Variants in ZNF563 observed in about 807,000 individuals in gnomAD.
ZNF563 encodes zinc finger protein 563.
In ZNF563, 39 loss-of-function variants were observed where a neutral mutation model predicts 48.5. The ratio of observed to expected loss-of-function variants is 0.80; its 90% CI spans 0.62 to 1.05. The LOEUF (loss-of-function observed/expected upper bound fraction) is 1.05, where lower values mean the gene tolerates loss of function less well. Ranked by LOEUF, ZNF563 falls within the 50% of genes least tolerant of loss-of-function variation. ZNF563 has a pLI of 0.00. For synonymous variants in ZNF563, 168 were observed against 187.9 expected (o/e 0.89, Z 0.87); for missense variants, 538 against 597.0 (o/e 0.90, Z 1.03).
Position 12,318,836 on chromosome 19 carries a change from T to C in ZNF563, c.1189A>G (p.Ile397Val). ...GGATAAACAAAAGCTTTCCCACATA[T>C]CTTGCATTTATGAGGTCCACCTCCA... ...HTGGGPHKCK[I>V]CGKAFVYPSV... The change falls in exon 4 of 4, where the codon ATA (isoleucine) becomes GTA (valine). Residue 397 changes from isoleucine (I) to valine (V), a missense_variant. Ile to Val is a conservative substitution (Grantham distance 29). Transcript: ENST00000293725. The C allele has an allele frequency of 6.2e-7, 1 of 1,613,860 alleles. No individual in the cohort carries two copies. The highest frequency in any genetic ancestry group is 8.5e-7 in the Non-Finnish European group (1 of 1,179,944).
At chr19:12,330,892 T>C (rs1968902667) in intron 1 of ZNF563, among the ~76,000 whole-genome samples, 2 of 152,232 alleles carry the variant, frequency 1.3e-5, no homozygotes, top group Admixed American at 1.3e-4. Flanking sequence ...GTAGTCATCA[T>C]GGAAGAAAGT....
chr19:12,324,006 T>C (rs992868876), intron 1 of ZNF563, among the ~76,000 whole-genome samples: 2 of 152,200 alleles, frequency 1.3e-5, no homozygotes, highest in African/African-American at 4.8e-5. Context: ...CTCAATGTTA[T>C]CTCTTATGAA....
At chr19:12,323,548 T>G (rs1296465970) in intron 1 of ZNF563, among the ~76,000 whole-genome samples, 1 of 152,218 alleles carries the variant, frequency 6.6e-6, no homozygotes, top group Non-Finnish European at 1.5e-5. Context: ...ATCTAAGAAC[T>G]CTGCAGAGTC....
At chr19:12,327,216 C>T (rs941538112) in intron 1 of ZNF563, among the ~76,000 whole-genome samples, 2 of 152,014 alleles carry the variant, frequency 1.3e-5, no homozygotes, top group Non-Finnish European at 2.9e-5. Flanking sequence ...AATCCCAGTA[C>T]TTTGGGAAGC....
chr19:12,320,568 C>T (rs1002222237), intron 3 of ZNF563, among the ~76,000 whole-genome samples: 6 of 151,820 alleles, frequency 4.0e-5, no homozygotes, highest in East Asian at 2.0e-4. Flanking sequence ...GGCGCAATCT[C>T]GGCTCACTGC....
In ZNF563 at chr19:12,318,959, CATG is replaced by C. The variant is rs1251895700; in HGVS notation, c.1063_1065del (p.His355del). ...GGTTTCTCTCCAGTGTGAATTCGTT[CATG>C]ATATCGAACTAAACTGGGACGATCA... On this transcript the variant is annotated inframe_deletion, in exon 4 of 4. Coordinates refer to ENST00000293725, the MANE Select transcript of ZNF563 (RefSeq NM_145276.3). 1 of 1,614,128 alleles carries C rather than the reference CATG, an allele frequency of 6.2e-7. No homozygotes were observed. The highest frequency in any genetic ancestry group is 1.7e-5 in the Admixed American group (1 of 60,012).
chr19:12,336,248 C>T (rs1283494912), upstream of ZNF563, among the ~76,000 whole-genome samples: 1 of 151,960 alleles, frequency 6.6e-6, no homozygotes, highest in Non-Finnish European at 1.5e-5. Flanking sequence ...ATTGCTTGAG[C>T]CCAGGAATTG....
At position 12,321,303 on chromosome 19, in the gene ZNF563, C is replaced by A. The variant is rs908464384; in HGVS notation, c.160G>T (p.Asp54Tyr). 1.3e-6 allele frequency: 2 copies of A among 1,575,276 alleles called. No individual in the cohort carries two copies. The highest frequency in any genetic ancestry group is 2.8e-5 in the African/African-American group (2 of 72,466). ...TTTCTCCTAGGATTTTTGTACTGAT[C>A]TTCAGTATTCTGTTCTTCCCATATC... ...RMIWEEQNTE[D>Y]QYKNPRRNLR... is the part of the protein sequence containing the mutation. Residue 54 changes from aspartate to tyrosine, a missense_variant, in exon 3 of 4, where the codon GAT (aspartate) becomes TAT (tyrosine). Transcript: ENST00000293725.
upstream of ZNF563, among the ~76,000 whole-genome samples, chr19:12,335,047 C>T (rs1346722402): frequency 6.6e-6 from 1 of 152,108 alleles, no homozygotes; most frequent in Non-Finnish European, 1.5e-5. Context: ...CCAAAGGGGG[C>T]TCCATTTCTC....
the ZNF563 span, among the ~76,000 whole-genome samples, chr19:12,341,870 G>T: frequency 3.6e-3 from 552 of 152,210 alleles, 2 homozygotes; most frequent in African/African-American, 0.013. Flanking sequence ...CAGACATAAT[G>T]ACATATACAA....
At position 12,318,812 on chromosome 19, in the gene ZNF563, G is replaced by T; in HGVS notation, c.1213C>A (p.Pro405Thr). Reference protein sequence around the residue: ...CKICGKAFVYPSVCQRHEKSH... With the variant: ...CKICGKAFVYTSVCQRHEKSH... ...TTTTCGTGTCTTTGACATACACTAG[G>T]ATAAACAAAAGCTTTCCCACATATC... The change falls in exon 4 of 4, where the codon CCT becomes ACT. Residue 405 changes from proline to threonine, a missense_variant. Coordinates refer to ENST00000293725, the MANE Select transcript of ZNF563 (RefSeq NM_145276.3). 6.2e-7 allele frequency: 1 copy of T among 1,614,044 alleles called. No homozygotes were observed. Among genetic ancestry groups the T allele is most frequent in the Non-Finnish European group, 8.5e-7 (1 of 1,180,010 alleles).
chr19:12,320,004 C>T (rs2145799111), intron 3 of ZNF563, among the ~76,000 whole-genome samples, 171 bp from the exon 4 acceptor site: 1 of 151,746 alleles, frequency 6.6e-6, no homozygotes, highest in Middle Eastern at 3.4e-3. Context: ...GCAATCTCTT[C>T]CTCCCGGGTT....
At chr19:12,321,715 G>A (rs534000050) in intron 2 of ZNF563, among the ~76,000 whole-genome samples, 2 of 152,226 alleles carry the variant, frequency 1.3e-5, no homozygotes, top group South Asian at 4.1e-4. Context: ...AAAATGCTGG[G>A]ATTACAGGCA....
chr19:12,333,715 T>G (rs997772180), upstream of ZNF563: 1 of 574,612 alleles, frequency 1.7e-6, no homozygotes, highest in African/African-American at 1.9e-5. Flanking sequence ...TGCGCCTGAT[T>G]GACAGTTCTC....
chr19:12,341,135 C>T, the ZNF563 span, among the ~76,000 whole-genome samples: 26 of 152,314 alleles, frequency 1.7e-4, no homozygotes, highest in Admixed American at 9.8e-4. Context: ...ACCGTAGCCT[C>T]GACCTCCTGG....
chr19:12,320,114 T>C (rs28433614), intron 3 of ZNF563, among the ~76,000 whole-genome samples: 33,260 of 152,020 alleles, frequency 0.22, 3,989 homozygotes, highest in African/African-American at 0.32. Context: ...GACAGGGTTT[T>C]GCCATGCTGG....
intron 1 of ZNF563, among the ~76,000 whole-genome samples, chr19:12,324,687 A>G (rs952001404): frequency 6.1e-5 from 9 of 146,370 alleles, no homozygotes; most frequent in African/African-American, 2.0e-4. Context: ...ATCGCACTTC[A>G]GCCTGGTTGA....
the ZNF563 span, among the ~76,000 whole-genome samples, chr19:12,344,419 A>T: frequency 6.6e-6 from 1 of 152,112 alleles, no homozygotes; most frequent in South Asian, 2.1e-4. Flanking sequence ...GGTTCAATAT[A>T]CAGCAATCAA....
At position 12,322,696 on chromosome 19, in the gene ZNF563, CA is replaced by C; in HGVS notation, c.18del (p.Phe6LeufsTer6). The C allele has an allele frequency of 6.2e-7, 1 of 1,606,534 alleles. No homozygotes were observed. The highest frequency in any genetic ancestry group is 2.2e-5 in the East Asian group (1 of 44,486). On this transcript the variant is annotated frameshift_variant, in exon 2 of 4. Transcript: ENST00000293725. LOFTEE classifies it high-confidence loss of function. MDAVA[F>X]EDVAVNFTQE... is the part of the protein sequence containing the mutation. ...TGGGTGAAGTTCACAGCCACATCCT[CA>C]AAGGCCACTGCGTCCTGAAACATCC...
Sources: allele counts gnomAD v4.1 joint callset (sites outside exome capture counted in the v4.1 genomes callset), GRCh38; gene constraint gnomAD v4.1.1; transcripts MANE v1.5; gene names NCBI Gene and HGNC (gene_info 2026-07-23, HGNC 2026-07-21).